Variants in NDST3 observed in about 807,000 individuals in gnomAD.
The protein encoded by NDST3 is N-deacetylase and N-sulfotransferase 3, also known as bifunctional heparan sulfate N-deacetylase/N-sulfotransferase 3.
In NDST3, 58 loss-of-function variants were observed where a neutral mutation model predicts 96.1. That is an observed-to-expected ratio of 0.60 (90% CI 0.49 to 0.75). The LOEUF (loss-of-function observed/expected upper bound fraction) is 0.75. Ranked by LOEUF, NDST3 falls within the 30% of genes least tolerant of loss-of-function variation. The probability of loss-of-function intolerance (pLI) is 0.00; values close to 1 mark genes in which losing one functional copy is unlikely to be tolerated. For synonymous variants in NDST3, 333 were observed against 359.7 expected (o/e 0.93, Z 0.84); for missense variants, 788 against 1,034.2 (o/e 0.76, Z 3.27).
chr4:118,216,022 C>A (rs1578827489), intron 6 of NDST3, among the ~76,000 whole-genome samples: 1 of 152,192 alleles, frequency 6.6e-6, no homozygotes, highest in South Asian at 2.1e-4. Flanking sequence ...GATTGGGGAC[C>A]ATATGCTTAT....
chr4:118,055,677 C>T (rs1033829494), intron 2 of NDST3: 5 of 151,806 alleles, frequency 3.3e-5, no homozygotes, highest in Admixed American at 6.6e-5. Context: ...GTTTCCAATT[C>T]GAAATGTCAT....
chr4:118,143,579 G>A lies in NDST3; in HGVS notation c.1434G>A (p.Gly478=), dbSNP rs1278982687. The change falls in exon 6 of 14, where the codon GGG becomes GGA. Residue 478 remains glycine (G), a synonymous_variant. Coordinates refer to ENST00000296499, the MANE Select transcript of NDST3 (RefSeq NM_004784.3). ...NIMVLPRQTC[G]LFTHTIFYKE... The stretch of plus-strand genomic sequence containing the variant: ...AGGTTCTCCCAAGACAAACCTGTGG[G>A]CTTTTCACTCACACCATTTTCTACA... 6.2e-7 allele frequency: 1 copy of A among 1,608,732 alleles called. No individual in the cohort carries two copies. Among genetic ancestry groups the A allele is most frequent in the Admixed American group, 1.7e-5 (1 of 59,026 alleles).
intron 6 of NDST3, among the ~76,000 whole-genome samples, chr4:118,199,071 T>A (rs1481991960): frequency 6.6e-6 from 1 of 152,184 alleles, no homozygotes; most frequent in East Asian, 1.9e-4. Flanking sequence ...GTAACCTTCT[T>A]GTACTTGGAT....
Position 118,109,305 on chromosome 4 carries a change from T to C in NDST3, c.1069+4200T>C, listed in dbSNP as rs117196189. Among the ~76,000 whole-genome samples the C allele has an allele frequency of 3.3e-5, 5 of 152,244 alleles. No homozygotes were observed. The South Asian group carries it at 1.0e-3, about 32-fold the overall frequency. On this transcript the variant is annotated intron_variant, in intron 3 of 13. Coordinates refer to ENST00000296499, the MANE Select transcript of NDST3 (RefSeq NM_004784.3). ...AAATTAGGGTGAAATATGTGGTGTG[T>C]TTAGGGGGAGAGGGAGAGAGTAGGA...
intron 13 of NDST3, among the ~76,000 whole-genome samples, chr4:118,254,337 A>G (rs1741975908): frequency 6.6e-6 from 1 of 152,078 alleles, no homozygotes; most frequent in South Asian, 2.1e-4. Context: ...AGTTACTGAT[A>G]TAATATACTA....
intron 4 of NDST3, among the ~76,000 whole-genome samples, chr4:118,133,595 T>C (rs1009467260): frequency 3.9e-5 from 6 of 152,230 alleles, no homozygotes; most frequent in African/African-American, 1.4e-4. Flanking sequence ...AGATAGTTGT[T>C]AAAATTTGGC....
intron 2 of NDST3, among the ~76,000 whole-genome samples, chr4:118,096,258 T>G (rs966340923): frequency 1.3e-5 from 2 of 151,880 alleles, no homozygotes; most frequent in African/African-American, 2.4e-5. Context: ...TTCTCATGTA[T>G]TGAATGCATG....
chr4:118,194,592 C>G, intron 6 of NDST3: 1 of 727,480 alleles, frequency 1.4e-6, no homozygotes, highest in Middle Eastern at 4.0e-4. Context: ...GTGTAGTGGA[C>G]AAAGATTCAG....
At chr4:118,039,981 T>A (rs1724354624) in intron 1 of NDST3, among the ~76,000 whole-genome samples, 1 of 152,186 alleles carries the variant, frequency 6.6e-6, no homozygotes, top group Admixed American at 6.5e-5. Context: ...TGGAAAGAAG[T>A]AACAGAGTTC....
intron 6 of NDST3, among the ~76,000 whole-genome samples, chr4:118,163,172 C>A (rs1735296271): frequency 6.6e-6 from 1 of 152,196 alleles, no homozygotes. Context: ...ACTAGTTCAA[C>A]CATTGTGGAA....
At chr4:118,222,748 A>G (rs940928088) in intron 6 of NDST3, among the ~76,000 whole-genome samples, 1 of 152,034 alleles carries the variant, frequency 6.6e-6, no homozygotes. Context: ...ACTAGCTCAT[A>G]ACTCATTTTG....
At chr4:118,145,880 G>A (rs574496687) in intron 6 of NDST3, among the ~76,000 whole-genome samples, 2 of 152,248 alleles carry the variant, frequency 1.3e-5, no homozygotes, top group East Asian at 3.9e-4. Flanking sequence ...AACGTTATCT[G>A]GCACACCAAC....
At chr4:118,240,192 G>A (rs1740918638) in intron 10 of NDST3, among the ~76,000 whole-genome samples, 1 of 151,810 alleles carries the variant, frequency 6.6e-6, no homozygotes, top group Non-Finnish European at 1.5e-5. Context: ...TTATGAGCTG[G>A]AAAGAGGGCA....
chr4:118,034,784 G>A (rs1724052666), intron 1 of NDST3, among the ~76,000 whole-genome samples, 192 bp downstream of exon 1: 1 of 152,146 alleles, frequency 6.6e-6, no homozygotes. Context: ...GTCTCATTCA[G>A]GGATGATTTT....
intron 2 of NDST3, among the ~76,000 whole-genome samples, chr4:118,077,302 C>A (rs993460919): frequency 2.0e-5 from 3 of 152,156 alleles, no homozygotes; most frequent in Non-Finnish European, 4.4e-5. Flanking sequence ...GGTGCACATG[C>A]GTCAGTTGGG....
intron 6 of NDST3, among the ~76,000 whole-genome samples, chr4:118,173,785 T>C (rs1736107570): frequency 6.6e-6 from 1 of 152,166 alleles, no homozygotes; most frequent in African/African-American, 2.4e-5. Context: ...GTATTGCCAC[T>C]CTTTCCTTTA....
At chr4:118,074,729 C>T (rs774101837) in intron 2 of NDST3, among the ~76,000 whole-genome samples, 1 of 151,948 alleles carries the variant, frequency 6.6e-6, no homozygotes, top group Non-Finnish European at 1.5e-5. Context: ...GGGAATTTAG[C>T]CCATTTATAT....
intron 6 of NDST3, among the ~76,000 whole-genome samples, chr4:118,184,514 T>C (rs537803210): frequency 1.8e-4 from 28 of 152,006 alleles, no homozygotes; most frequent in Non-Finnish European, 3.4e-4. Context: ...ACCAAGTCTC[T>C]ATAGTCACAA....
At chr4:118,067,983 C>T (rs980728483) in intron 2 of NDST3, among the ~76,000 whole-genome samples, 3 of 151,812 alleles carry the variant, frequency 2.0e-5, no homozygotes, top group Non-Finnish European at 2.9e-5. Flanking sequence ...TTCAGTGCAA[C>T]ATCCTCAAAA....
Sources: allele counts gnomAD v4.1 joint callset (sites outside exome capture counted in the v4.1 genomes callset), GRCh38; gene constraint gnomAD v4.1.1; transcripts MANE v1.5; gene names NCBI Gene and HGNC (gene_info 2026-07-23, HGNC 2026-07-21).